YTHDF1: variants seen among roughly 807,000 people sequenced by gnomAD.
YTHDF1 encodes the protein YTH domain-containing family protein 1.
In YTHDF1, 16 loss-of-function variants were observed where a neutral mutation model predicts 49.1. The ratio of observed to expected loss-of-function variants is 0.33; its 90% CI spans 0.22 to 0.49. The LOEUF (loss-of-function observed/expected upper bound fraction) is 0.49, where lower values mean the gene tolerates loss of function less well. Ranked by LOEUF, YTHDF1 falls within the 20% of genes least tolerant of loss-of-function variation. The pLI is 0.99. For missense variants in YTHDF1, 621 were observed against 744.3 expected (o/e 0.83, Z 1.93); for synonymous variants, 313 against 290.1 (o/e 1.08, Z -0.80).
intron 3 of YTHDF1, among the ~76,000 whole-genome samples, chr20:63,205,761 G>A (rs780948016): frequency 6.6e-6 from 1 of 151,988 alleles, no homozygotes; most frequent in South Asian, 2.1e-4. Flanking sequence ...CACCCGCCTC[G>A]GCCTCCCAAA....
At chr20:63,213,340 G>A (rs919746802) in intron 3 of YTHDF1, among the ~76,000 whole-genome samples, 3 of 152,202 alleles carry the variant, frequency 2.0e-5, no homozygotes, top group Non-Finnish European at 4.4e-5. Context: ...GCTGAGGCAG[G>A]AGGAATGCTT....
intron 3 of YTHDF1, among the ~76,000 whole-genome samples, chr20:63,205,688 T>C (rs1326661070): frequency 2.6e-5 from 4 of 152,232 alleles, no homozygotes; most frequent in East Asian, 3.9e-4. Flanking sequence ...TTTGTATTTT[T>C]AGTAGAGACA....
chr20:63,207,906 G>A (rs961089562), intron 3 of YTHDF1, among the ~76,000 whole-genome samples: 6 of 151,652 alleles, frequency 4.0e-5, no homozygotes, highest in African/African-American at 4.8e-5. Flanking sequence ...CAGGAGAATC[G>A]CTTGAACCTG....
At position 63,202,560 on chromosome 20, in the gene YTHDF1, G is replaced by A. The variant is rs1183565895; in HGVS notation, c.1380C>T (p.Thr460=). 1 of 1,614,214 alleles carries A rather than the reference G, an allele frequency of 6.2e-7. No homozygotes were observed. The change falls in exon 4 of 5, where the codon ACC becomes ACT. Residue 460 remains threonine, a synonymous_variant. Transcript: ENST00000370339. ...AEMKSPVDYG[T]SAGVWSQDKW... ...TGTCCTGAGACCAGACCCCGGCACTGGTGCCGTAGTCCACGGGGGACTTCA... is the reference window on the plus strand; with the variant it reads ...TGTCCTGAGACCAGACCCCGGCACTAGTGCCGTAGTCCACGGGGGACTTCA...
intron 4 of YTHDF1, 126 bp from the exon 5 acceptor site, chr20:63,196,860 C>G: frequency 9.9e-7 from 1 of 1,014,436 alleles, no homozygotes; most frequent in Non-Finnish European, 1.5e-6. Flanking sequence ...TGAATGGTAC[C>G]CAAGCCACAC....
intron 3 of YTHDF1, among the ~76,000 whole-genome samples, chr20:63,213,118 G>T (rs2066583382): frequency 6.6e-6 from 1 of 152,206 alleles, no homozygotes; most frequent in South Asian, 2.1e-4. Flanking sequence ...ATGGACACAG[G>T]CCAGTCAGTG....
intron 1 of YTHDF1, 33 bp from the exon 2 acceptor site, chr20:63,215,634 C>CA: frequency 6.3e-7 from 1 of 1,596,436 alleles, no homozygotes; most frequent in African/African-American, 1.4e-5. Flanking sequence ...GTGGGGTACA[C>CA]ACAACCCGGG....
intron 4 of YTHDF1, among the ~76,000 whole-genome samples, chr20:63,200,620 C>T (rs1025744842): frequency 5.9e-5 from 9 of 152,088 alleles, no homozygotes; most frequent in African/African-American, 1.9e-4. Flanking sequence ...CCCTGCAGGC[C>T]GCTTACCAAG....
chr20:63,209,850 G>A (rs1332386233), intron 3 of YTHDF1, among the ~76,000 whole-genome samples: 2 of 152,238 alleles, frequency 1.3e-5, no homozygotes, highest in Non-Finnish European at 2.9e-5. Flanking sequence ...CACACATGGA[G>A]CTGTCATCTC....
chr20:63,205,600 C>T (rs2066542190), intron 3 of YTHDF1, among the ~76,000 whole-genome samples: 1 of 152,116 alleles, frequency 6.6e-6, no homozygotes, highest in African/African-American at 2.4e-5. Flanking sequence ...CCTCCGCCTC[C>T]CAGGTTCAAG....
intron 3 of YTHDF1, among the ~76,000 whole-genome samples, chr20:63,211,177 G>A (rs1282680876): frequency 1.3e-5 from 2 of 152,142 alleles, no homozygotes; most frequent in African/African-American, 2.4e-5. Flanking sequence ...AAGTACCCAG[G>A]GTTAGGTTGG....
Position 63,202,844 on chromosome 20 carries a change from G to A in YTHDF1, c.1096C>T (p.Pro366Ser). ...GCAGCCTTCAGTTTTTCAAGGACGG[G>A]GTGGGATTCGACGCTGGGGGCAGAA... ...PNSAPSVESH[P>S]VLEKLKAAHS... is the part of the protein sequence containing the mutation. Residue 366 changes from proline to serine, a missense_variant, in exon 4 of 5, where the codon CCC becomes TCC. Pro to Ser is a moderately conservative substitution (Grantham distance 74). Transcript: ENST00000370339. 1 of 1,613,920 alleles carries A rather than the reference G, an allele frequency of 6.2e-7. No homozygotes were observed. The highest frequency in any genetic ancestry group is 8.5e-7 in the Non-Finnish European group (1 of 1,180,052).
chr20:63,211,484 C>T (rs2066573940), intron 3 of YTHDF1, among the ~76,000 whole-genome samples: 2 of 152,104 alleles, frequency 1.3e-5, no homozygotes. Context: ...GGACCCAGAG[C>T]TATTGATATG....
At chr20:63,200,829 A>G (rs536391476) in intron 4 of YTHDF1, among the ~76,000 whole-genome samples, 3 of 152,342 alleles carry the variant, frequency 2.0e-5, no homozygotes, top group African/African-American at 4.8e-5. Flanking sequence ...TTAGCCAGCT[A>G]AGGACCTAAA....
chr20:63,208,948 G>A (rs1285377005), intron 3 of YTHDF1, among the ~76,000 whole-genome samples: 6 of 152,218 alleles, frequency 3.9e-5, no homozygotes, highest in East Asian at 1.9e-4. Flanking sequence ...AAACAGAGAC[G>A]TGTGAGCATG....
In YTHDF1 at chr20:63,196,710, ATT is replaced by A; in HGVS notation, c.1676_1677del (p.Gln559LeufsTer13). On this transcript the variant is annotated frameshift_variant, in exon 5 of 5. Transcript: ENST00000370339. LOFTEE classifies it high-confidence loss of function. Reference protein sequence around the residue: ...VRKERQSRNKQ With the variant: ...VRKERQSRNKX ...ACATGTAAGAAACTGGTTCGCCCTC[ATT>A]GTTTGTTTCGACTCTGCCGTTCCTG... 1 of 1,614,098 alleles carries A rather than the reference ATT, an allele frequency of 6.2e-7. No homozygotes were observed. The highest frequency in any genetic ancestry group is 8.5e-7 in the Non-Finnish European group (1 of 1,179,974).
chr20:63,198,375 G>T (rs540607621), intron 4 of YTHDF1, among the ~76,000 whole-genome samples: 1 of 152,130 alleles, frequency 6.6e-6, no homozygotes, highest in South Asian at 2.1e-4. Flanking sequence ...AACCTAGGAC[G>T]CAGAGGTTGC....
chr20:63,211,652 G>GA (rs1439482978), intron 3 of YTHDF1, among the ~76,000 whole-genome samples: 6 of 151,726 alleles, frequency 4.0e-5, no homozygotes, highest in African/African-American at 1.5e-4. Context: ...CAAAAGCTCC[G>GA]ACTTTATAAA....
chr20:63,212,327 A>G (rs145248373), intron 3 of YTHDF1, among the ~76,000 whole-genome samples: 1 of 152,320 alleles, frequency 6.6e-6, no homozygotes, highest in Non-Finnish European at 1.5e-5. Flanking sequence ...GTGCAGTAGG[A>G]GGGAGGGGGA....
Sources: allele counts gnomAD v4.1 joint callset (sites outside exome capture counted in the v4.1 genomes callset), GRCh38; gene constraint gnomAD v4.1.1; transcripts MANE v1.5; gene names NCBI Gene and HGNC (gene_info 2026-07-23, HGNC 2026-07-21).